Variants in NNT observed in about 807,000 individuals in gnomAD.
The protein encoded by NNT is nicotinamide nucleotide transhydrogenase.
A neutral mutation model predicts 104.8 loss-of-function variants in NNT; 50 were observed. The observed-to-expected ratio is 0.48, with a 90% confidence interval of 0.38 to 0.60. The LOEUF is 0.60. Ranked by LOEUF, NNT falls within the 20% of genes least tolerant of loss-of-function variation. The pLI, the probability that NNT is intolerant of heterozygous loss-of-function variation, is 0.00. For synonymous variants in NNT, 461 were observed against 490.4 expected (o/e 0.94, Z 0.79); for missense variants, 1,131 against 1,330.7 (o/e 0.85, Z 2.33).
chr5:43,685,193 A>G (rs762847168), intron 19 of NNT, among the ~76,000 whole-genome samples: 12 of 152,228 alleles, frequency 7.9e-5, no homozygotes, highest in Non-Finnish European at 1.5e-4. Context: ...AGAAGTTAGT[A>G]GATGTTTAAC....
intron 6 of NNT, among the ~76,000 whole-genome samples, chr5:43,627,224 A>G (rs760930172): frequency 2.0e-5 from 3 of 152,198 alleles, no homozygotes; most frequent in Non-Finnish European, 4.4e-5. Flanking sequence ...TCCTTGCTCA[A>G]GCCAGCAGAG....
intron 17 of NNT, among the ~76,000 whole-genome samples, chr5:43,668,148 A>G (rs1442760327): frequency 4.0e-5 from 6 of 151,402 alleles, no homozygotes; most frequent in African/African-American, 1.5e-4. Flanking sequence ...TGTTTGGTTT[A>G]GTTCTTTGTA....
At position 43,613,063 on chromosome 5, in the gene NNT, G is replaced by C; in HGVS notation, c.307G>C (p.Asp103His). The change falls in exon 3 of 22, where the codon GAT (aspartate) becomes CAT (histidine). Residue 103 changes from aspartate to histidine, a missense_variant. Transcript: ENST00000344920. ...TGCGGGCGAAGCTTCCAAGTTCTCA[G>C]ATGATCACTATAGAGTGGCAGGTGC... ...SGAGEASKFS[D>H]DHYRVAGAQI... is the part of the protein sequence containing the mutation. 6.2e-7 allele frequency: 1 copy of C among 1,614,140 alleles called. No individual in the cohort carries two copies. The highest frequency in any genetic ancestry group is 8.5e-7 in the Non-Finnish European group (1 of 1,180,036).
At chr5:43,666,709 AG>A in intron 17 of NNT, 1 of 1,000,442 alleles carries the variant, frequency 1.0e-6, no homozygotes, top group Non-Finnish European at 1.5e-6. Flanking sequence ...ATGGTAGCCC[AG>A]GGACGGGGGT....
chr5:43,652,366 G>T (rs182430838), intron 13 of NNT, among the ~76,000 whole-genome samples: 1 of 152,166 alleles, frequency 6.6e-6, no homozygotes, highest in Admixed American at 6.5e-5. Context: ...ACTTAATGTT[G>T]TATAGAAAAA....
Position 43,656,093 on chromosome 5 carries a change from A to C in NNT, c.2293+20A>C. The C allele has an allele frequency of 6.4e-7, 1 of 1,568,788 alleles. No individual in the cohort carries two copies. On this transcript the variant is annotated intron_variant, in intron 15 of 21. Transcript: ENST00000344920. The stretch of plus-strand genomic sequence containing the variant: ...TGCAGGGTAAGTGATTCAGCATAAC[A>C]TAGAGGTAAATATCTACTGTTTAGG...
At chr5:43,646,286 A>G (rs1739425798) in intron 10 of NNT, among the ~76,000 whole-genome samples, 1 of 152,170 alleles carries the variant, frequency 6.6e-6, no homozygotes, top group Non-Finnish European at 1.5e-5. Context: ...TACTAAAAAT[A>G]TACATATATG....
chr5:43,680,252 T>G (rs1041902416), intron 19 of NNT, among the ~76,000 whole-genome samples: 4 of 152,228 alleles, frequency 2.6e-5, no homozygotes, highest in African/African-American at 9.6e-5. Flanking sequence ...GGAATATGTA[T>G]ATACATAGAT....
chr5:43,606,339 C>T (rs1206554458), intron 1 of NNT, among the ~76,000 whole-genome samples: 1 of 152,178 alleles, frequency 6.6e-6, no homozygotes, highest in Non-Finnish European at 1.5e-5. Flanking sequence ...ATCTTTTACA[C>T]ATCTTTGCAA....
intron 4 of NNT, 66 bp downstream of exon 4, chr5:43,616,131 C>T: frequency 1.6e-6 from 2 of 1,233,744 alleles, no homozygotes; most frequent in Non-Finnish European, 2.3e-6. Context: ...CACACTGTAG[C>T]TCTTCTGTCT....
chr5:43,669,876 C>T (rs947615023), intron 17 of NNT, among the ~76,000 whole-genome samples: 10 of 152,032 alleles, frequency 6.6e-5, no homozygotes, highest in Non-Finnish European at 1.3e-4. Context: ...CTTCTTGTAC[C>T]TCTGGTAGAA....
At chr5:43,603,444 C>T (rs1304502671) in intron 1 of NNT, 150 bp downstream of exon 1, 6 of 153,218 alleles carry the variant, frequency 3.9e-5, no homozygotes, top group African/African-American at 1.4e-4. Flanking sequence ...CGGCGGTGTC[C>T]CGGGCGCAGG....
chr5:43,629,444 T>C (rs928383061), intron 7 of NNT, among the ~76,000 whole-genome samples: 6 of 152,232 alleles, frequency 3.9e-5, no homozygotes, highest in Non-Finnish European at 8.8e-5. Context: ...AACATGTGTA[T>C]GCAATGTCTT....
intron 3 of NNT, 59 bp from the exon 4 acceptor site, chr5:43,615,789 G>C (rs1749752716): frequency 7.8e-7 from 1 of 1,288,730 alleles, no homozygotes; most frequent in Non-Finnish European, 1.1e-6. Flanking sequence ...TTTCCTGTTT[G>C]CTTAAAAATA....
At chr5:43,687,650 T>C (rs1286415919) in intron 19 of NNT, among the ~76,000 whole-genome samples, 2 of 152,196 alleles carry the variant, frequency 1.3e-5, no homozygotes, top group Non-Finnish European at 2.9e-5. Context: ...TCTCTGACTT[T>C]AGAGTCATAA....
chr5:43,652,759 G>A (rs1041125404), intron 13 of NNT, among the ~76,000 whole-genome samples: 7 of 152,086 alleles, frequency 4.6e-5, no homozygotes, highest in Non-Finnish European at 8.8e-5. Context: ...TACCTCAGGG[G>A]TTGGCTCTTT....
intron 4 of NNT, among the ~76,000 whole-genome samples, chr5:43,616,278 A>T (rs1401845954): frequency 6.6e-6 from 1 of 152,188 alleles, no homozygotes; most frequent in African/African-American, 2.4e-5. Context: ...TTTAATCTTA[A>T]TGAGTAGAAG....
At chr5:43,615,150 C>CAA (rs70997417) in intron 3 of NNT, among the ~76,000 whole-genome samples, 3 of 147,684 alleles carry the variant, frequency 2.0e-5, no homozygotes, top group Admixed American at 6.7e-5. Flanking sequence ...TCTCAAAAAA[C>CAA]AAAAAAAAAT....
At chr5:43,655,522 A>G (rs1282131096) in intron 14 of NNT, among the ~76,000 whole-genome samples, 1 of 152,200 alleles carries the variant, frequency 6.6e-6, no homozygotes, top group Non-Finnish European at 1.5e-5. Flanking sequence ...ATATATATGA[A>G]ACATAAATGA....
Sources: gnomAD v4.1 joint callset for allele counts (sites outside exome capture counted in the v4.1 genomes callset) on GRCh38, gnomAD v4.1.1 for gene constraint, MANE v1.5 for transcripts, NCBI Gene and HGNC (gene_info 2026-07-23, HGNC 2026-07-21) for gene names.